Variants in DIP2B observed in about 807,000 individuals in gnomAD.
DIP2B encodes the protein DIP2 acetate--CoA ligase B (putative).
Under a neutral mutation model 198.0 loss-of-function variants are expected in DIP2B, and 76 were observed. The ratio of observed to expected loss-of-function variants is 0.38; its 90% confidence interval spans 0.32 to 0.46. DIP2B has a LOEUF of 0.46. DIP2B is among the 20% of genes least tolerant of loss of function. The probability of loss-of-function intolerance (pLI) is 0.99; values close to 1 mark genes in which losing one functional copy is unlikely to be tolerated. For synonymous variants in DIP2B, 701 were observed against 739.1 expected (o/e 0.95, Z 0.84); for missense variants, 1,559 against 1,978.4 (o/e 0.79, Z 4.02).
chr12:50,662,220 GT>G (rs1332891983), intron 4 of DIP2B, among the ~76,000 whole-genome samples: 1 of 152,134 alleles, frequency 6.6e-6, no homozygotes, highest in African/African-American at 2.4e-5. Flanking sequence ...TAATAAAAAG[GT>G]TCTGTACCCA....
chr12:50,665,424 C>A (rs945624369), intron 4 of DIP2B, among the ~76,000 whole-genome samples: 9 of 152,108 alleles, frequency 5.9e-5, no homozygotes, highest in African/African-American at 2.2e-4. Context: ...GTTCATTATT[C>A]CACTGAAGTG....
In DIP2B at chr12:50,617,430, C is replaced by T. The variant is rs574442148; in HGVS notation, c.101-8546C>T. 2.0e-5 allele frequency among the ~76,000 whole-genome samples: 3 copies of T among 151,944 alleles called. No individual in the cohort carries two copies. The East Asian group carries it at 5.9e-4, about 30-fold the overall frequency. ...TAGGCCTCCCAAAGTGCTGGGATTA[C>T]AGGCGTGAGCCACCGCACCCGGCCT... On this transcript the variant is annotated intron_variant, in intron 1 of 37. Coordinates refer to ENST00000301180, the MANE Select transcript of DIP2B (RefSeq NM_173602.3).
chr12:50,558,855 G>A (rs1269312331), intron 1 of DIP2B, among the ~76,000 whole-genome samples: 1 of 152,112 alleles, frequency 6.6e-6, no homozygotes, highest in Non-Finnish European at 1.5e-5. Flanking sequence ...TGGAAATGGG[G>A]GCAAAAGTGG....
chr12:50,676,123 A>C (rs1189345109), intron 7 of DIP2B, among the ~76,000 whole-genome samples: 4 of 152,218 alleles, frequency 2.6e-5, no homozygotes, highest in Admixed American at 1.3e-4. Flanking sequence ...TTATGGATAA[A>C]ACCATATATC....
chr12:50,732,345 CCA>C lies in DIP2B; in HGVS notation c.3811-20_3811-19del, dbSNP rs752642701. Reference sequence around the variant, plus strand: ...TTTTATGATCCTACTGACTTGGCTCCCATATAATGGTGTCTTGCAGACCAGAG... The same window carrying C: ...TTTTATGATCCTACTGACTTGGCTCCTATAATGGTGTCTTGCAGACCAGAG... On this transcript the variant is annotated intron_variant, in intron 31 of 37. Transcript: ENST00000301180. 7.4e-6 allele frequency: 12 copies of C among 1,613,122 alleles called. No individual in the cohort carries two copies. The highest frequency in any genetic ancestry group is 1.7e-4 in the Middle Eastern group (1 of 6,052).
At chr12:50,625,138 GCT>G (rs2139468513) in intron 1 of DIP2B, among the ~76,000 whole-genome samples, 1 of 152,206 alleles carries the variant, frequency 6.6e-6, no homozygotes, top group African/African-American at 2.4e-5. Flanking sequence ...AGAAAACAGT[GCT>G]CTGTCATGTC....
intron 1 of DIP2B, among the ~76,000 whole-genome samples, chr12:50,618,057 A>C (rs1433825116): frequency 6.6e-6 from 1 of 152,256 alleles, no homozygotes; most frequent in Non-Finnish European, 1.5e-5. Flanking sequence ...AGCTTAGGCA[A>C]GACATTTAAC....
At chr12:50,517,746 T>A (rs1958078399) in intron 1 of DIP2B, among the ~76,000 whole-genome samples, 1 of 152,224 alleles carries the variant, frequency 6.6e-6, no homozygotes, top group Non-Finnish European at 1.5e-5. Flanking sequence ...TGCACTTCCA[T>A]GAATGCACTG....
At chr12:50,683,681 G>A (rs1441356036) in intron 10 of DIP2B, among the ~76,000 whole-genome samples, 1 of 152,154 alleles carries the variant, frequency 6.6e-6, no homozygotes, top group Non-Finnish European at 1.5e-5. Context: ...TACTCGGGAG[G>A]CTGAGGCAGG....
In DIP2B at chr12:50,714,435, C is replaced by T; in HGVS notation, c.2690C>T (p.Ala897Val). 6.2e-7 allele frequency: 1 copy of T among 1,614,168 alleles called. No individual in the cohort carries two copies. Among genetic ancestry groups the T allele is most frequent in the East Asian group, 2.2e-5 (1 of 44,884 alleles). ...SIHQVGVYCL[A>V]LVPANTLPKT... is the part of the protein sequence containing the mutation. Reference sequence around the variant, plus strand: ...CATCAAGTGGGGGTTTATTGTCTTGCTCTGGTGCCAGCCAATACATTGCCA... The same window carrying T: ...CATCAAGTGGGGGTTTATTGTCTTGTTCTGGTGCCAGCCAATACATTGCCA... Residue 897 changes from alanine (A) to valine (V), a missense_variant, in exon 23 of 38, where the codon GCT (alanine) becomes GTT (valine). Physicochemically the swap from Ala to Val is moderately conservative, Grantham distance 64 (BLOSUM62 0). Transcript: ENST00000301180.
intron 1 of DIP2B, among the ~76,000 whole-genome samples, chr12:50,582,145 G>GTTTTTTTTTTTTTTTTTTTTTTT (rs367699036): frequency 1.3e-5 from 1 of 77,550 alleles, no homozygotes; most frequent in African/African-American, 6.2e-5. Context: ...CTTTTTTTCT[G>GTTTTTTTTTTTTTTTTTTTTTTT]TTTTTTTTTT....
At chr12:50,733,948 A>G (rs975573177) in intron 32 of DIP2B, among the ~76,000 whole-genome samples, 187 bp from the exon 33 acceptor site, 4 of 152,200 alleles carry the variant, frequency 2.6e-5, no homozygotes, top group Admixed American at 2.0e-4. Flanking sequence ...CCTCCTCAGC[A>G]TGGAAATGTT....
chr12:50,713,516 C>T (rs562879212), intron 22 of DIP2B, among the ~76,000 whole-genome samples: 1 of 152,304 alleles, frequency 6.6e-6, no homozygotes, highest in East Asian at 1.9e-4. Flanking sequence ...AGCAAACATG[C>T]AGTTACATGG....
chr12:50,702,265 G>A (rs940312001), intron 19 of DIP2B, among the ~76,000 whole-genome samples: 4 of 152,148 alleles, frequency 2.6e-5, no homozygotes, highest in African/African-American at 9.7e-5. Context: ...AGAACGGCTT[G>A]AACCCGGGAG....
intron 1 of DIP2B, among the ~76,000 whole-genome samples, chr12:50,534,369 A>ATTTTTTTTTTTTTTTTTTTTTTTTTTCTT (rs72095442): frequency 9.3e-6 from 1 of 107,870 alleles, no homozygotes; most frequent in African/African-American, 3.6e-5. Context: ...TTCTCATTTC[A>ATTTTTTTTTTTTTTTTTTTTTTTTTTCTT]TTTTTTTTTT....
At chr12:50,733,838 C>A (rs4768911) in intron 32 of DIP2B, among the ~76,000 whole-genome samples, 10 of 152,082 alleles carry the variant, frequency 6.6e-5, no homozygotes, top group Non-Finnish European at 1.5e-4. Context: ...AACTTGAGCC[C>A]CATCATAGCC....
chr12:50,676,491 G>A (rs1230345295), intron 7 of DIP2B, among the ~76,000 whole-genome samples: 7 of 152,156 alleles, frequency 4.6e-5, no homozygotes, highest in Admixed American at 3.9e-4. Context: ...ATGTACTGAT[G>A]TTCAAGATGT....
chr12:50,565,478 A>C (rs1033225953), intron 1 of DIP2B, among the ~76,000 whole-genome samples: 1 of 152,108 alleles, frequency 6.6e-6, no homozygotes, highest in Non-Finnish European at 1.5e-5. Flanking sequence ...TTGTATTTTT[A>C]GTAGAGACGG....
At chr12:50,679,291 T>G (rs1235746866) in intron 8 of DIP2B, 1 of 172,262 alleles carries the variant, frequency 5.8e-6, no homozygotes, top group African/African-American at 2.4e-5. Flanking sequence ...GAATGAGTAC[T>G]TTTCCGTTTA....
Sources: allele counts gnomAD v4.1 joint callset (sites outside exome capture counted in the v4.1 genomes callset), GRCh38; gene constraint gnomAD v4.1.1; transcripts MANE v1.5; gene names NCBI Gene and HGNC (gene_info 2026-07-23, HGNC 2026-07-21).